ST7: variants seen among roughly 807,000 people sequenced by gnomAD.
ST7 encodes suppression of tumorigenicity 7, also known as suppressor of tumorigenicity 7 protein.
In ST7, 28 loss-of-function variants were observed where a neutral mutation model predicts 78.7. That is an observed-to-expected ratio of 0.36 (90% CI 0.26 to 0.49). The LOEUF is 0.49. ST7 is among the 20% of genes least tolerant of loss of function. ST7 has a pLI of 0.99. For missense variants in ST7, 418 were observed against 696.0 expected, an observed-to-expected ratio of 0.60 and a Z score of 4.49; for synonymous variants, 247 against 249.6, an observed-to-expected ratio of 0.99 and a Z score of 0.10.
chr7:117,001,371 G>A (rs570228275), intron 1 of ST7, among the ~76,000 whole-genome samples: 3 of 152,334 alleles, frequency 2.0e-5, no homozygotes, highest in Non-Finnish European at 4.4e-5. Context: ...ACTAAGTATA[G>A]TTGAGTGGTT....
At chr7:117,121,417 C>A (rs1803353512) in intron 3 of ST7, among the ~76,000 whole-genome samples, 1 of 152,110 alleles carries the variant, frequency 6.6e-6, no homozygotes, top group African/African-American at 2.4e-5. Flanking sequence ...CAGTACTACT[C>A]ATAGCTGGCT....
intron 1 of ST7, among the ~76,000 whole-genome samples, chr7:116,995,384 A>G (rs1323268097): frequency 6.6e-6 from 1 of 152,204 alleles, no homozygotes; most frequent in East Asian, 1.9e-4. Flanking sequence ...AAAACAGACT[A>G]CCACCAATGA....
At chr7:117,222,719 T>A in intron 15 of ST7, 2 of 693,704 alleles carry the variant, frequency 2.9e-6, no homozygotes, top group South Asian at 3.5e-5. Flanking sequence ...AGTTTACTGA[T>A]CTTGCCACAG....
At chr7:117,076,645 C>A (rs1799362914) in intron 1 of ST7, 4 of 152,408 alleles carry the variant, frequency 2.6e-5, no homozygotes, top group African/African-American at 9.6e-5. Context: ...TGGGAGGGAG[C>A]ACCCAGGTGA....
At chr7:117,122,588 A>G (rs1229579410) in intron 3 of ST7, among the ~76,000 whole-genome samples, 2 of 152,122 alleles carry the variant, frequency 1.3e-5, no homozygotes, top group African/African-American at 4.8e-5. Flanking sequence ...ATTTCCATTC[A>G]TTTCTTGTAT....
chr7:117,188,722 C>T (rs1334511511), intron 10 of ST7, among the ~76,000 whole-genome samples: 4 of 151,876 alleles, frequency 2.6e-5, no homozygotes, highest in Non-Finnish European at 4.4e-5. Flanking sequence ...AGATTTCATA[C>T]ATATACCCTT....
At position 117,119,675 on chromosome 7, in the gene ST7, A is replaced by G. The variant is rs374775158; in HGVS notation, c.349A>G (p.Asn117Asp). Residue 117 changes from asparagine (N) to aspartate (D), a missense_variant, in exon 3 of 16, where the codon AAT becomes GAT. Physicochemically the swap from Asn to Asp is conservative, Grantham distance 23. This residue lies in a region of ST7 where 36 missense variants were observed against 29.7 expected (regional missense o/e 1.21). Coordinates refer to ENST00000323984, the MANE Select transcript of ST7 (RefSeq NM_001369598.1). ...TGACAACAACTCTTCCAACAATTCT[A>G]ATTCCAGTAACGGGGACTCAGATTC... ...GVDNNSSNNS[N>D]SSNGDSDSNR... is the part of the protein sequence containing the mutation. The G allele has an allele frequency of 3.8e-5, 61 of 1,613,644 alleles. No homozygotes were observed. Among genetic ancestry groups the G allele is most frequent in the Non-Finnish European group, 5.1e-5 (60 of 1,179,976 alleles).
chr7:117,106,810 C>T (rs111688756), intron 2 of ST7, among the ~76,000 whole-genome samples: 9,802 of 151,566 alleles, frequency 0.065, 443 homozygotes, highest in East Asian at 0.14. Flanking sequence ...TTAGTAGAGA[C>T]GGGGTTTCAC....
chr7:117,165,264 T>C (rs544148468), intron 9 of ST7, among the ~76,000 whole-genome samples: 1 of 152,226 alleles, frequency 6.6e-6, no homozygotes, highest in East Asian at 1.9e-4. Flanking sequence ...GGTCCTTTCT[T>C]TAGTATCCCT....
At chr7:117,107,603 CTTTTTTTTTTTTTTT>C (rs71528121) in intron 2 of ST7, among the ~76,000 whole-genome samples, 1 of 73,582 alleles carries the variant, frequency 1.4e-5, no homozygotes, top group Non-Finnish European at 2.7e-5. Flanking sequence ...TAGCCCACTT[CTTTTTTTTTTTTTTT>C]TTTTTTTTTT....
At chr7:117,108,437 T>G (rs1204172671) in intron 2 of ST7, among the ~76,000 whole-genome samples, 1 of 152,230 alleles carries the variant, frequency 6.6e-6, no homozygotes, top group African/African-American at 2.4e-5. Flanking sequence ...TTCATTCTGT[T>G]TCATAGGTCT....
At chr7:117,038,765 A>AGT (rs1489423259) in intron 1 of ST7, among the ~76,000 whole-genome samples, 1 of 152,030 alleles carries the variant, frequency 6.6e-6, no homozygotes, top group Non-Finnish European at 1.5e-5. Context: ...TAAAGGGGGG[A>AGT]GTGTGTGTAT....
intron 8 of ST7, 180 bp downstream of exon 8, chr7:117,136,415 C>T (rs1456232564): frequency 2.9e-6 from 2 of 682,048 alleles, no homozygotes; most frequent in African/African-American, 3.6e-5. Flanking sequence ...AATTAACTTA[C>T]AGCTTCATTG....
At chr7:117,050,022 C>T (rs371758702) in intron 1 of ST7, among the ~76,000 whole-genome samples, 9 of 148,406 alleles carry the variant, frequency 6.1e-5, no homozygotes, top group East Asian at 3.9e-4. Context: ...CCGGCTAACA[C>T]GGTGAAACCC....
chr7:117,182,522 A>C (rs1808854535), intron 10 of ST7: 1 of 152,148 alleles, frequency 6.6e-6, no homozygotes, highest in African/African-American at 2.4e-5. Flanking sequence ...GTATGTTTTT[A>C]TTTTTATTTT....
intron 1 of ST7, among the ~76,000 whole-genome samples, chr7:117,046,135 G>A (rs1655328310): frequency 6.6e-6 from 1 of 152,172 alleles, no homozygotes; most frequent in South Asian, 2.1e-4. Context: ...ATAAGGAAGA[G>A]TCAGACCCAT....
intron 1 of ST7, among the ~76,000 whole-genome samples, chr7:117,090,137 A>G (rs1279902994): frequency 1.3e-5 from 2 of 152,156 alleles, no homozygotes; most frequent in Non-Finnish European, 2.9e-5. Flanking sequence ...TATGAGGATA[A>G]TATAAGTATA....
intron 1 of ST7, among the ~76,000 whole-genome samples, chr7:117,066,205 A>T (rs1284382446): frequency 6.6e-6 from 1 of 152,210 alleles, no homozygotes; most frequent in Non-Finnish European, 1.5e-5. Flanking sequence ...ACCTGCCTTT[A>T]AACCTTATTT....
chr7:117,097,917 T>A lies in ST7; in HGVS notation c.152-1845T>A, dbSNP rs865906482. On this transcript the variant is annotated intron_variant, in intron 1 of 15. Coordinates refer to ENST00000323984, the MANE Select transcript of ST7 (RefSeq NM_001369598.1). ...ATATATATATATATATATTTTTTTT[T>A]TTTTTTTTTTTGATGGCCAGGCAAA... Among the ~76,000 whole-genome samples the A allele has an allele frequency of 4.3e-3, 448 of 104,056 alleles. 14 individuals carry two copies. Among genetic ancestry groups the A allele is most frequent in the East Asian group, 7.7e-3 (29 of 3,754 alleles). 68.3% of individuals were successfully genotyped at this position (104,056 alleles called of 152,430 possible).
Sources: allele counts gnomAD v4.1 joint callset (sites outside exome capture counted in the v4.1 genomes callset), GRCh38; gene constraint gnomAD v4.1.1; regional missense constraint gnomAD v4.1.1; transcripts MANE v1.5; gene names NCBI Gene and HGNC (gene_info 2026-07-23, HGNC 2026-07-21).